Variants in NEB observed in about 807,000 individuals in gnomAD.
NEB encodes nebulin.
In NEB, 512 loss-of-function variants were observed where a neutral mutation model predicts 952.2. The ratio of observed to expected loss-of-function variants is 0.54; its 90% CI spans 0.50 to 0.58. NEB has a LOEUF of 0.58. Ranked by LOEUF, NEB falls within the 20% of genes least tolerant of loss-of-function variation. The pLI, the probability that NEB is intolerant of heterozygous loss-of-function variation, is 0.00. For missense variants in NEB, 8,428 were observed against 9,231.1 expected (o/e 0.91, Z 3.56); for synonymous variants, 2,900 against 3,149.8 (o/e 0.92, Z 2.66).
intron 41 of NEB, 21 bp from the exon 42 acceptor site, chr2:151,665,560 T>A (rs760220671): frequency 5.9e-6 from 9 of 1,532,894 alleles, no homozygotes; most frequent in Non-Finnish European, 7.9e-6. Flanking sequence ...AGAAAAAAAA[T>A]TTCATTTCAG....
chr2:151,687,766 A>T lies in NEB; in HGVS notation c.2416-33T>A, dbSNP rs778307822. On this transcript the variant is annotated intron_variant, in intron 25 of 181. Coordinates refer to ENST00000397345, the MANE Select transcript of NEB (RefSeq NM_001164508.2). ...AGAAAAATTCAGCAAAGGAATGATA[A>T]GAACAACAGTGTAATCCAGTAAAAA... The T allele has an allele frequency of 6.5e-6, 10 of 1,532,294 alleles. No individual in the cohort carries two copies. In the South Asian group the frequency reaches 9.5e-5, roughly 15 times the overall value. The allele number at this position is 1,532,294 out of a possible 1,614,324, so 94.9% of individuals were successfully genotyped here. A position where few individuals can be genotyped will look rare whatever the true frequency, so the allele number is the denominator to read the frequency against.
intron 15 of NEB, 25 bp downstream of exon 15, chr2:151,697,325 G>A (rs1411957056): frequency 1.2e-6 from 2 of 1,610,488 alleles, no homozygotes; most frequent in East Asian, 2.2e-5. Context: ...TATTTGGAAA[G>A]TCAAACAATT....
chr2:151,503,056 G>A, intron 166 of NEB, 171 bp from the exon 167 acceptor site: 1 of 587,308 alleles, frequency 1.7e-6, no homozygotes, highest in East Asian at 2.9e-5. Context: ...ACTCTACAAT[G>A]CTAATTCTGG....
At chr2:151,527,119 G>A in intron 147 of NEB, 97 bp from the exon 148 acceptor site, 1 of 760,622 alleles carries the variant, frequency 1.3e-6, no homozygotes, top group South Asian at 1.8e-5. Flanking sequence ...TTAAGGAGAG[G>A]ACAAAGACTT....
chr2:151,733,178 C>T lies in NEB; in HGVS notation c.-22G>A, dbSNP rs1323019950. 3 of 1,598,508 alleles carry T rather than the reference C, an allele frequency of 1.9e-6. No individual in the cohort carries two copies. Among genetic ancestry groups the T allele is most frequent in the Non-Finnish European group, 2.6e-6 (3 of 1,172,284 alleles). ...CCATTTTTCCAGAGTAGTAGTGGCA[C>T]CTACAAACTTTTCATATTCCATACA... On this transcript the variant is annotated 5_prime_UTR_variant, in exon 3 of 182. In the 5' UTR this introduces an upstream ATG that the reference lacks. Transcript: ENST00000397345.
In NEB at chr2:151,678,207, G is replaced by A; in HGVS notation, c.3256-20C>T. On this transcript the variant is annotated intron_variant, in intron 32 of 181. Transcript: ENST00000397345. ...CTGAACCTATTGTAAACAAAGGTGG[G>A]CATAATTTAAAATGTAGTTTTGAGG... 2 of 1,499,606 alleles carry A rather than the reference G, an allele frequency of 1.3e-6. No individual in the cohort carries two copies. Among genetic ancestry groups the A allele is most frequent in the African/African-American group, 1.4e-5 (1 of 71,564 alleles). 92.9% of individuals were successfully genotyped at this position (1,499,606 alleles called of 1,614,324 possible).
intron 160 of NEB, 67 bp downstream of exon 160, chr2:151,513,513 G>T: frequency 8.9e-7 from 1 of 1,127,746 alleles, no homozygotes; most frequent in Non-Finnish European, 1.3e-6. Context: ...GATGACAGAG[G>T]GACACTTTAT....
chr2:151,610,049 G>A lies in NEB; in HGVS notation c.12090C>T (p.Pro4030=), dbSNP rs1290202627. Residue 4030 remains proline, a synonymous_variant, in exon 81 of 182, where the codon CCC becomes CCT. Transcript: ENST00000397345. ...HIGAQSIEDD[P]KIMCAIHAGK... is the part of the protein sequence containing the mutation. ...CTGCATGTATGGCACACATAATCTT[G>A]GGATCATCTTCAATGCTCTGGGCTC... 6 of 1,613,510 alleles carry A rather than the reference G, an allele frequency of 3.7e-6. No individual in the cohort carries two copies. The highest frequency in any genetic ancestry group is 2.7e-5 in the African/African-American group (2 of 74,832).
chr2:151,497,834 C>G, intron 170 of NEB, 116 bp from the exon 171 acceptor site: 1 of 1,523,872 alleles, frequency 6.6e-7, no homozygotes, highest in South Asian at 1.3e-5. Flanking sequence ...TATATGCTGA[C>G]AAAATGCCAC....
At chr2:151,564,361 G>A (rs1482074024) in intron 117 of NEB, among the ~76,000 whole-genome samples, 1 of 152,014 alleles carries the variant, frequency 6.6e-6, no homozygotes, top group African/African-American at 2.4e-5. Context: ...CACCGTGTTG[G>A]CCAAGCTGGT....
At position 151,612,186 on chromosome 2, in the gene NEB, C is replaced by T. The variant is rs894791921; in HGVS notation, c.11805G>A (p.Lys3935=). 5 of 1,612,874 alleles carry T rather than the reference C, an allele frequency of 3.1e-6. No homozygotes were observed. Among genetic ancestry groups the T allele is most frequent in the Non-Finnish European group, 4.2e-6 (5 of 1,179,168 alleles). ...CAACAGAAAACAGCTGGAGACTCAC[C>T]TTGCTCATTGTCAGGGCATTATTCT... ...LAKNNALTMS[K]HLYTEAWDAD... The change falls in exon 78 of 182, where the codon AAG becomes AAA. Residue 3935 remains lysine (K), a splice_region_variant and synonymous_variant. Transcript: ENST00000397345.
At chr2:151,541,853 G>A (rs1280401244) in intron 135 of NEB, among the ~76,000 whole-genome samples, 1 of 152,042 alleles carries the variant, frequency 6.6e-6, no homozygotes, top group African/African-American at 2.4e-5. Flanking sequence ...CATCTCCTCT[G>A]TATCTTCCAC....
intron 2 of NEB, 32 bp downstream of exon 2, chr2:151,733,678 ATC>A (rs2099814302): frequency 6.6e-6 from 1 of 152,210 alleles, no homozygotes; most frequent in Admixed American, 6.5e-5. Context: ...ATAAAAATAC[ATC>A]TGTCAATAAA....
At chr2:151,487,766 C>CATAT (rs141261492) in intron 181 of NEB, among the ~76,000 whole-genome samples, 3 of 151,474 alleles carry the variant, frequency 2.0e-5, no homozygotes, top group East Asian at 1.9e-4. Flanking sequence ...TACATACACA[C>CATAT]ATATATATAT....
chr2:151,507,035 CTTG>C (rs1463752703), intron 162 of NEB, 22 bp from the exon 163 acceptor site: 4 of 1,391,242 alleles, frequency 2.9e-6, no homozygotes, highest in East Asian at 2.3e-5. Flanking sequence ...GAGTAAACAT[CTTG>C]TTAAGATTTC....
At chr2:151,649,149 G>A (rs2098999917) in intron 54 of NEB, among the ~76,000 whole-genome samples, 1 of 152,146 alleles carries the variant, frequency 6.6e-6, no homozygotes, top group Non-Finnish European at 1.5e-5. Flanking sequence ...CAAATTTGTT[G>A]TTTTCTCATT....
At position 151,671,116 on chromosome 2, in the gene NEB, C is replaced by A. The variant is rs755877926; in HGVS notation, c.4413G>T (p.Lys1471Asn). The change falls in exon 38 of 182, where the codon AAG becomes AAT. Residue 1471 changes from lysine (K) to asparagine (N), a missense_variant. Lys to Asn is a moderately conservative substitution (Grantham distance 94). Transcript: ENST00000397345. ...TGACGGTATCTGGGTGCTGTCGATA[C>A]TTCCTCTCATTTAATGCATCGCCTG... ...KKAGDALNER[K>N]YRQHPDTVKF... The A allele has an allele frequency of 9.9e-6, 16 of 1,613,972 alleles. No homozygotes were observed. The highest frequency in any genetic ancestry group is 1.4e-5 in the Non-Finnish European group (16 of 1,179,864).
chr2:151,725,443 T>C lies in NEB; in HGVS notation c.402+10A>G, dbSNP rs1391326523. 3 of 1,606,398 alleles carry C rather than the reference T, an allele frequency of 1.9e-6. No individual in the cohort carries two copies. Among genetic ancestry groups the C allele is most frequent in the Non-Finnish European group, 2.6e-6 (3 of 1,174,018 alleles). On this transcript the variant is annotated intron_variant, in intron 6 of 181. Coordinates refer to ENST00000397345, the MANE Select transcript of NEB (RefSeq NM_001164508.2). ...ATGTCCCTCTCCTTTATTTCAGCAA[T>C]GCAGCCCACCTCACTGAGTTGATCT...
At position 151,679,766 on chromosome 2, in the gene NEB, C is replaced by A. The variant is rs201896003; in HGVS notation, c.3210G>T (p.Ala1070=). The change falls in exon 32 of 182, where the codon GCG becomes GCT. Residue 1070 remains alanine, a synonymous_variant. Coordinates refer to ENST00000397345, the MANE Select transcript of NEB (RefSeq NM_001164508.2). The part of the protein sequence containing the change: ...SKKGYDLRTD[A]IPIRAAKAAR... ...CAGCTTTGGCAGCTCTGATGGGAATCGCATCAGTTCTCAGGTCATATCCCT... is the reference window on the plus strand; with the variant it reads ...CAGCTTTGGCAGCTCTGATGGGAATAGCATCAGTTCTCAGGTCATATCCCT... The A allele has an allele frequency of 6.4e-7, 1 of 1,552,938 alleles. No homozygotes were observed. Among genetic ancestry groups the A allele is most frequent in the Non-Finnish European group, 8.8e-7 (1 of 1,141,032 alleles).
Sources: gnomAD v4.1 joint callset for allele counts (sites outside exome capture counted in the v4.1 genomes callset) on GRCh38, gnomAD v4.1.1 for gene constraint, MANE v1.5 for transcripts, NCBI Gene and HGNC (gene_info 2026-07-23, HGNC 2026-07-21) for gene names.